The following CADPS variants were observed in gnomAD, a reference collection of about 807,000 sequenced individuals.
CADPS encodes the protein calcium dependent secretion activator, also known as calcium-dependent secretion activator 1.
Under a neutral mutation model 167.3 loss-of-function variants are expected in CADPS, and 57 were observed. The observed-to-expected ratio is 0.34, with a 90% CI of 0.28 to 0.42. The LOEUF (loss-of-function observed/expected upper bound fraction) is 0.42. Ranked by LOEUF, CADPS falls within the 20% of genes least tolerant of loss-of-function variation. The pLI is 1.00. For synonymous variants in CADPS, 676 were observed against 635.3 expected (o/e 1.06, Z -0.96); for missense variants, 1,414 against 1,738.1 (o/e 0.81, Z 3.32).
At chr3:62,522,660 A>T (rs1199508050) in intron 13 of CADPS, among the ~76,000 whole-genome samples, 12 of 152,128 alleles carry the variant, frequency 7.9e-5, no homozygotes, top group Non-Finnish European at 1.5e-5. Flanking sequence ...TAAAGCACAT[A>T]TCTCTTCCTT....
At chr3:62,848,130 G>GT (rs1011042649) in intron 1 of CADPS, among the ~76,000 whole-genome samples, 3 of 144,402 alleles carry the variant, frequency 2.1e-5, no homozygotes, top group South Asian at 2.1e-4. Context: ...GGGGTTGTTC[G>GT]TTTTTTTCTT....
At chr3:62,623,829 T>G (rs2063560913) in intron 6 of CADPS, among the ~76,000 whole-genome samples, 1 of 152,144 alleles carries the variant, frequency 6.6e-6, no homozygotes, top group Non-Finnish European at 1.5e-5. Flanking sequence ...TAAATTAAAA[T>G]GCTTTGATAT....
At chr3:62,517,745 C>T (rs2069356128) in intron 14 of CADPS, among the ~76,000 whole-genome samples, 1 of 152,116 alleles carries the variant, frequency 6.6e-6, no homozygotes, top group Admixed American at 6.6e-5. Flanking sequence ...TGTTGCCAGC[C>T]AGTGCTGTTT....
chr3:62,804,588 T>C (rs1054718401), intron 1 of CADPS, among the ~76,000 whole-genome samples: 1 of 151,860 alleles, frequency 6.6e-6, no homozygotes, highest in Non-Finnish European at 1.5e-5. Context: ...TCATCAGAGA[T>C]GAGAGCTGCA....
intron 6 of CADPS, among the ~76,000 whole-genome samples, chr3:62,594,818 T>C (rs550929594): frequency 6.6e-6 from 1 of 152,358 alleles, no homozygotes; most frequent in South Asian, 2.1e-4. Context: ...AGGCTTGAGA[T>C]GCCTATTCCC....
rs187708457 is a variant in CADPS at position 62,578,931 on chromosome 3, T to C, written c.1577+6254A>G. On this transcript the variant is annotated intron_variant, in intron 8 of 29. Coordinates refer to ENST00000383710, the MANE Select transcript of CADPS (RefSeq NM_003716.4). ...AGAGTCTGTACCAAAAAGCATGGTG[T>C]CTTGGAGACCTATGAGGAGGAGAGA... is the stretch of plus-strand genomic sequence containing the variant. Among the ~76,000 whole-genome samples the C allele has an allele frequency of 4.9e-3, 744 of 152,224 alleles. 6 individuals carry two copies. The highest frequency in any genetic ancestry group is 0.016 in the African/African-American group (669 of 41,538).
At chr3:62,686,257 T>G (rs756538616) in intron 3 of CADPS, among the ~76,000 whole-genome samples, 1 of 152,168 alleles carries the variant, frequency 6.6e-6, no homozygotes. Context: ...GTTTTCTCTA[T>G]GTATTATAAC....
intron 1 of CADPS, among the ~76,000 whole-genome samples, chr3:62,809,896 C>T (rs1559728640): frequency 6.6e-6 from 1 of 152,186 alleles, no homozygotes; most frequent in Non-Finnish European, 1.5e-5. Flanking sequence ...TGAACACATA[C>T]AATTACGTCT....
At chr3:62,570,586 T>C (rs2152451487) in intron 9 of CADPS, among the ~76,000 whole-genome samples, 1 of 152,320 alleles carries the variant, frequency 6.6e-6, no homozygotes, top group South Asian at 2.1e-4. Flanking sequence ...CCCCGACTTA[T>C]CTCACATACT....
rs566249740 is a variant in CADPS at position 62,447,444 on chromosome 3, A to AT, written c.3637-1648dup. ...CAGCATTGATTGCAATTCAGCCGAA[A>AT]TTTTTTTTTGTGCAATGTCTACCTC... On this transcript the variant is annotated intron_variant, in intron 26 of 29. Coordinates refer to ENST00000383710, the MANE Select transcript of CADPS (RefSeq NM_003716.4). Among the ~76,000 whole-genome samples the AT allele has an allele frequency of 3.1e-4, 47 of 151,792 alleles. No individual in the cohort carries two copies. The South Asian group carries it at 4.8e-3, about 16-fold the overall frequency.
chr3:62,797,302 T>C (rs908113004), intron 1 of CADPS, among the ~76,000 whole-genome samples: 3 of 152,094 alleles, frequency 2.0e-5, no homozygotes, highest in Non-Finnish European at 4.4e-5. Context: ...GTGACGGTGT[T>C]TGGTTTCCTC....
intron 28 of CADPS, among the ~76,000 whole-genome samples, chr3:62,405,565 G>A (rs1294105735): frequency 6.6e-6 from 1 of 152,004 alleles, no homozygotes; most frequent in East Asian, 1.9e-4. Context: ...AAATAAAAAG[G>A]TAGGAGACTA....
At chr3:62,821,079 G>A (rs981493059) in intron 1 of CADPS, among the ~76,000 whole-genome samples, 3 of 152,112 alleles carry the variant, frequency 2.0e-5, no homozygotes, top group Non-Finnish European at 4.4e-5. Context: ...GATTACAGGC[G>A]TAAGCCACTA....
At chr3:62,570,771 A>T in intron 9 of CADPS, 101 bp downstream of exon 9, 1 of 806,212 alleles carries the variant, frequency 1.2e-6, no homozygotes, top group Non-Finnish European at 2.1e-6. Flanking sequence ...AGCTAAATGC[A>T]TGAGCTCTGT....
At chr3:62,493,690 A>T in intron 18 of CADPS, 25 bp from the exon 19 acceptor site, 1 of 1,552,422 alleles carries the variant, frequency 6.4e-7, no homozygotes, top group Non-Finnish European at 8.7e-7. Flanking sequence ...AAATGAAAAA[A>T]ATCAAGTCAT....
intron 16 of CADPS, among the ~76,000 whole-genome samples, 186 bp from the exon 17 acceptor site, chr3:62,512,954 A>C (rs1424316968): frequency 6.6e-6 from 1 of 152,138 alleles, no homozygotes; most frequent in Non-Finnish European, 1.5e-5. Flanking sequence ...GCTCCTTCAC[A>C]GAGGTGGAAA....
At chr3:62,864,519 C>G (rs1403370361) in intron 1 of CADPS, among the ~76,000 whole-genome samples, 3 of 152,134 alleles carry the variant, frequency 2.0e-5, no homozygotes, top group African/African-American at 7.2e-5. Flanking sequence ...CATGCCTCTC[C>G]CCTAGTTTCT....
chr3:62,665,684 A>T (rs1191630074), intron 3 of CADPS, among the ~76,000 whole-genome samples: 1 of 152,150 alleles, frequency 6.6e-6, no homozygotes, highest in Non-Finnish European at 1.5e-5. Context: ...GTCATGACTG[A>T]TTTCTTTTGG....
At chr3:62,718,446 G>T (rs2075107278) in intron 3 of CADPS, among the ~76,000 whole-genome samples, 1 of 152,228 alleles carries the variant, frequency 6.6e-6, no homozygotes, top group Admixed American at 6.5e-5. Flanking sequence ...GAAATGACCA[G>T]AGAACTTGCT....
Sources: allele counts gnomAD v4.1 joint callset (sites outside exome capture counted in the v4.1 genomes callset), GRCh38; gene constraint gnomAD v4.1.1; transcripts MANE v1.5; gene names NCBI Gene and HGNC (gene_info 2026-07-23, HGNC 2026-07-21).